PRKD1: variants seen among roughly 807,000 people sequenced by gnomAD.
PRKD1 encodes protein kinase D1.
A neutral mutation model predicts 95.9 loss-of-function variants in PRKD1; 63 were observed. The observed-to-expected ratio is 0.66, with a 90% CI of 0.54 to 0.81. The LOEUF is 0.81. Among genes scored for constraint, PRKD1 ranks in the 30% least tolerant of loss-of-function variants. PRKD1 has a pLI of 0.00. For missense variants in PRKD1, 1,048 were observed against 1,165.3 expected (o/e 0.90, Z 1.47); for synonymous variants, 425 against 423.1 (o/e 1.00, Z -0.05).
chr14:29,913,551 A>C (rs889621422), intron 1 of PRKD1, among the ~76,000 whole-genome samples: 1 of 152,222 alleles, frequency 6.6e-6, no homozygotes, highest in African/African-American at 2.4e-5. Flanking sequence ...GAATTGAAAA[A>C]AAGGCAAAGA....
intron 1 of PRKD1, among the ~76,000 whole-genome samples, chr14:29,851,706 A>G (rs1892313317): frequency 6.6e-6 from 1 of 152,154 alleles, no homozygotes. Context: ...TAGAACTATC[A>G]CTCAACTGAG....
chr14:29,890,616 T>C (rs1471600951), intron 1 of PRKD1, among the ~76,000 whole-genome samples: 1 of 152,194 alleles, frequency 6.6e-6, no homozygotes, highest in Admixed American at 6.5e-5. Context: ...CTCTCTGGCC[T>C]TTCTCTTTTT....
chr14:29,754,558 T>A (rs931642558), intron 1 of PRKD1, among the ~76,000 whole-genome samples: 2 of 152,094 alleles, frequency 1.3e-5, no homozygotes, highest in Admixed American at 6.6e-5. Context: ...AGTAAAACAA[T>A]TTTTCCAATT....
intron 16 of PRKD1, among the ~76,000 whole-genome samples, chr14:29,597,218 T>C (rs1378229865): frequency 6.6e-6 from 1 of 152,188 alleles, no homozygotes; most frequent in Non-Finnish European, 1.5e-5. Flanking sequence ...TCATTATTAC[T>C]ATTATATTAA....
At chr14:29,653,115 T>G (rs1881613230) in intron 4 of PRKD1, among the ~76,000 whole-genome samples, 1 of 152,196 alleles carries the variant, frequency 6.6e-6, no homozygotes, top group Admixed American at 6.5e-5. Context: ...TGTGAGTCAG[T>G]AAACCTGTAT....
chr14:29,849,441 C>A (rs904437330), intron 1 of PRKD1, among the ~76,000 whole-genome samples: 1 of 152,038 alleles, frequency 6.6e-6, no homozygotes, highest in Non-Finnish European at 1.5e-5. Flanking sequence ...CCTCTATGCA[C>A]ACAAACTAGA....
chr14:29,583,286 T>C (rs1892808591), intron 16 of PRKD1, among the ~76,000 whole-genome samples: 1 of 152,162 alleles, frequency 6.6e-6, no homozygotes, highest in Non-Finnish European at 1.5e-5. Context: ...ACAGATGCCG[T>C]TTAAATAGCA....
rs565030220 is a variant in PRKD1, at chr14:29,834,578, T to A, written c.264+92671A>T. Among the ~76,000 whole-genome samples, 416 of 152,210 alleles carry A rather than the reference T, an allele frequency of 2.7e-3. 1 individual carries two copies. The highest frequency in any genetic ancestry group is 9.4e-3 in the African/African-American group (390 of 41,568). On this transcript the variant is annotated intron_variant, in intron 1 of 17. Transcript: ENST00000331968. ...AATGGTTGGATGTTCAATTTATAGA[T>A]AATTTACTATAATAAACATAATAAT...
chr14:29,593,173 C>T (rs1594345274), intron 16 of PRKD1, among the ~76,000 whole-genome samples: 1 of 152,098 alleles, frequency 6.6e-6, no homozygotes, highest in African/African-American at 2.4e-5. Flanking sequence ...TGCCTGGCTA[C>T]AGGGCAAATA....
chr14:29,679,770 C>G (rs1031165543), intron 2 of PRKD1, among the ~76,000 whole-genome samples: 1 of 148,242 alleles, frequency 6.7e-6, no homozygotes, highest in Non-Finnish European at 1.5e-5. Flanking sequence ...CTCTGTTGTC[C>G]AGGCTGGAGA....
chr14:29,678,776 G>A (rs993289469), intron 2 of PRKD1, among the ~76,000 whole-genome samples: 1 of 152,098 alleles, frequency 6.6e-6, no homozygotes, highest in Admixed American at 6.5e-5. Context: ...ATAAAAAAAT[G>A]CATTTTAACA....
At chr14:29,603,487 T>G (rs1482994005) in intron 13 of PRKD1, among the ~76,000 whole-genome samples, 1 of 152,190 alleles carries the variant, frequency 6.6e-6, no homozygotes, top group Non-Finnish European at 1.5e-5. Flanking sequence ...GCCTAGAGAA[T>G]ATATTAGAAG....
At chr14:29,816,092 C>T (rs1269328097) in intron 1 of PRKD1, among the ~76,000 whole-genome samples, 2 of 152,112 alleles carry the variant, frequency 1.3e-5, no homozygotes, top group East Asian at 3.9e-4. Flanking sequence ...GTGGCACATG[C>T]CTGTAATCCC....
At position 29,656,601 on chromosome 14, in the gene PRKD1, C is replaced by T; in HGVS notation, c.696+7098G>A. The T allele has an allele frequency of 5.4e-6, 7 of 1,305,442 alleles. 1 individual carries two copies. The highest frequency in any genetic ancestry group is 2.5e-5 in the South Asian group (2 of 79,042). 80.9% of individuals were successfully genotyped at this position (1,305,442 alleles called of 1,614,324 possible). A position where few individuals can be genotyped will look rare whatever the true frequency, so the allele number is the denominator to read the frequency against. The stretch of plus-strand genomic sequence containing the variant: ...TATTGGATGGAAGCAAAGCACATTA[C>T]TCAATAATGTTTCATATAGGCATGC... On this transcript the variant is annotated intron_variant, in intron 4 of 17. Transcript: ENST00000331968.
chr14:29,807,728 CTTTT>C (rs989596413), intron 1 of PRKD1, among the ~76,000 whole-genome samples: 1 of 146,810 alleles, frequency 6.8e-6, no homozygotes, highest in Non-Finnish European at 1.5e-5. Flanking sequence ...TTTTCTTTTC[CTTTT>C]TTTTTTGAGA....
chr14:29,831,107 T>C (rs2810045), intron 1 of PRKD1, among the ~76,000 whole-genome samples: 44,040 of 152,114 alleles, frequency 0.29, 6,611 homozygotes, highest in African/African-American at 0.37. Context: ...CTAACATTTA[T>C]TGAGTGATAT....
chr14:29,607,584 C>T (rs534958078), intron 13 of PRKD1, among the ~76,000 whole-genome samples: 6 of 152,272 alleles, frequency 3.9e-5, no homozygotes, highest in African/African-American at 1.4e-4. Context: ...CTTGAAGCTA[C>T]CTGAATTCCT....
At chr14:29,819,401 C>T (rs890875792) in intron 1 of PRKD1, among the ~76,000 whole-genome samples, 7 of 151,982 alleles carry the variant, frequency 4.6e-5, no homozygotes, top group African/African-American at 1.7e-4. Context: ...AATAATAAAG[C>T]AAATGGGGGC....
Position 29,639,778 on chromosome 14 carries a change from A to G in PRKD1, c.697-874T>C, listed in dbSNP as rs895016995. ...AAAAGATTTGTATTACTGGAAACAG[A>G]ACGAATATACTATAAGAGGAATATA... On this transcript the variant is annotated intron_variant, in intron 4 of 17. Coordinates refer to ENST00000331968, the MANE Select transcript of PRKD1 (RefSeq NM_002742.3). Among the ~76,000 whole-genome samples the G allele has an allele frequency of 4.4e-4, 67 of 152,176 alleles. 1 individual carries two copies. The highest frequency in any genetic ancestry group is 1.6e-3 in the African/African-American group (65 of 41,462).
Sources: allele counts gnomAD v4.1 joint callset (sites outside exome capture counted in the v4.1 genomes callset), GRCh38; gene constraint gnomAD v4.1.1; transcripts MANE v1.5; gene names NCBI Gene and HGNC (gene_info 2026-07-23, HGNC 2026-07-21).